PACRG: variants seen among roughly 807,000 people sequenced by gnomAD.
PACRG encodes the protein parkin coregulated, also known as parkin coregulated gene protein.
Under a neutral mutation model 29.7 loss-of-function variants are expected in PACRG, and 29 were observed. The observed-to-expected ratio is 0.98, with a 90% CI of 0.73 to 1.33. The LOEUF is 1.33. Among genes scored for constraint, PACRG ranks in the 40% most tolerant of loss-of-function variants. The pLI is 0.00. For missense variants in PACRG, 279 were observed against 316.2 expected (o/e 0.88, Z 0.89); for synonymous variants, 116 against 118.7 (o/e 0.98, Z 0.15).
chr6:162,956,433 T>C (rs960474927), intron 2 of PACRG, among the ~76,000 whole-genome samples: 19 of 152,176 alleles, frequency 1.2e-4, no homozygotes, highest in African/African-American at 3.9e-4. Flanking sequence ...TAAATGTTGG[T>C]CAGGTCAATG....
At chr6:163,300,769 T>C (rs1784957553) in intron 4 of PACRG, among the ~76,000 whole-genome samples, 1 of 143,788 alleles carries the variant, frequency 7.0e-6, no homozygotes, top group African/African-American at 2.7e-5. Flanking sequence ...AAAGCACAAG[T>C]ATCAGGTGTG....
chr6:163,117,024 A>T (rs1158332669), intron 4 of PACRG, among the ~76,000 whole-genome samples: 1 of 152,150 alleles, frequency 6.6e-6, no homozygotes, highest in Non-Finnish European at 1.5e-5. Context: ...TCACCCTCGG[A>T]GGAAGAGTTT....
intron 2 of PACRG, among the ~76,000 whole-genome samples, chr6:162,844,848 C>CT (rs1790213956): frequency 6.6e-6 from 1 of 152,170 alleles, no homozygotes; most frequent in Admixed American, 6.5e-5. Flanking sequence ...AACATGAAGG[C>CT]TAGTTCTGTA....
intron 1 of PACRG, among the ~76,000 whole-genome samples, chr6:162,731,663 C>G (rs1477905278): frequency 1.2e-4 from 18 of 152,012 alleles, no homozygotes; most frequent in Admixed American, 1.2e-3. Flanking sequence ...AAAAACAAAT[C>G]CAAAACACTT....
intron 2 of PACRG, among the ~76,000 whole-genome samples, chr6:162,819,515 A>G (rs1787653245): frequency 6.6e-6 from 1 of 152,218 alleles, no homozygotes; most frequent in East Asian, 1.9e-4. Flanking sequence ...GAGAGAAATG[A>G]AAACCATAGG....
At chr6:163,156,412 C>T (rs1261037514) in intron 4 of PACRG, among the ~76,000 whole-genome samples, 6 of 152,140 alleles carry the variant, frequency 3.9e-5, no homozygotes, top group African/African-American at 9.7e-5. Flanking sequence ...CTTCGCCCTT[C>T]TCCTGAACCA....
At chr6:162,785,201 A>T (rs1554278821) in intron 1 of PACRG, among the ~76,000 whole-genome samples, 1 of 145,356 alleles carries the variant, frequency 6.9e-6, no homozygotes, top group African/African-American at 2.5e-5. Context: ...AGAGAGAGAG[A>T]GGGAGAGAAA....
intron 2 of PACRG, among the ~76,000 whole-genome samples, chr6:162,928,740 G>A (rs1459320271): frequency 6.6e-6 from 1 of 151,622 alleles, no homozygotes; most frequent in Non-Finnish European, 1.5e-5. Context: ...ATGGCTATAT[G>A]TATGTATGTT....
At chr6:163,174,245 T>C (rs1196356430) in intron 4 of PACRG, among the ~76,000 whole-genome samples, 1 of 152,198 alleles carries the variant, frequency 6.6e-6, no homozygotes, top group African/African-American at 2.4e-5. Flanking sequence ...AAAAATCTCA[T>C]AATGTTTTAA....
At chr6:163,137,064 AAGCAC>A (rs1035641123) in intron 4 of PACRG, among the ~76,000 whole-genome samples, 36 of 152,346 alleles carry the variant, frequency 2.4e-4, no homozygotes, top group African/African-American at 8.7e-4. Flanking sequence ...ATATAAAAAT[AAGCAC>A]AGAGATTTTG....
chr6:162,776,157 A>G (rs7758448), intron 1 of PACRG, among the ~76,000 whole-genome samples: 105 of 152,336 alleles, frequency 6.9e-4, no homozygotes, highest in African/African-American at 2.4e-3. Context: ...TATTAGCTAC[A>G]TATTCCTTGG....
rs998432188 is a variant in PACRG, at chr6:162,776,328, C to T, written c.157-37819C>T. 6.6e-5 allele frequency among the ~76,000 whole-genome samples: 10 copies of T among 152,178 alleles called. No individual in the cohort carries two copies. The South Asian group carries it at 8.3e-4, about 13-fold the overall frequency. On this transcript the variant is annotated intron_variant, in intron 1 of 4. Transcript: ENST00000366888. ...CTTATTATTGCTGTTGCCACATCTTCGACTCCCATCTGCCTGTCCTCATTC... is the reference window on the plus strand; with the variant it reads ...CTTATTATTGCTGTTGCCACATCTTTGACTCCCATCTGCCTGTCCTCATTC...
chr6:162,754,651 T>C (rs907918499), intron 1 of PACRG, among the ~76,000 whole-genome samples: 5 of 152,154 alleles, frequency 3.3e-5, no homozygotes, highest in African/African-American at 1.2e-4. Flanking sequence ...TTTTTACATA[T>C]GATATAAGAG....
At chr6:163,081,493 C>A (rs1014996731) in intron 3 of PACRG, among the ~76,000 whole-genome samples, 1 of 152,162 alleles carries the variant, frequency 6.6e-6, no homozygotes, top group East Asian at 1.9e-4. Context: ...TGGTGGCTCA[C>A]GCCTGTTAAT....
intron 4 of PACRG, among the ~76,000 whole-genome samples, chr6:163,168,693 G>A (rs1018477057): frequency 4.6e-5 from 7 of 152,032 alleles, no homozygotes; most frequent in Non-Finnish European, 8.8e-5. Context: ...ATAATCAAAC[G>A]AAAGACCACC....
intron 1 of PACRG, among the ~76,000 whole-genome samples, chr6:162,789,538 T>A (rs1009333863): frequency 6.6e-6 from 1 of 152,196 alleles, no homozygotes; most frequent in African/African-American, 2.4e-5. Flanking sequence ...TCACTAAGGA[T>A]CATTTTTTCT....
chr6:163,031,951 C>T (rs1807707533), intron 2 of PACRG, among the ~76,000 whole-genome samples: 1 of 152,212 alleles, frequency 6.6e-6, no homozygotes, highest in Non-Finnish European at 1.5e-5. Context: ...TAAACGAATG[C>T]AAACTATTCC....
chr6:163,280,712 G>C (rs1562356466), intron 4 of PACRG, among the ~76,000 whole-genome samples: 1 of 152,128 alleles, frequency 6.6e-6, no homozygotes, highest in Non-Finnish European at 1.5e-5. Flanking sequence ...GCACTCACAT[G>C]GCCTTTCCTG....
intron 4 of PACRG, among the ~76,000 whole-genome samples, chr6:163,194,938 A>G (rs149267376): frequency 8.6e-5 from 13 of 151,332 alleles, no homozygotes; most frequent in Non-Finnish European, 1.5e-5. Flanking sequence ...CTTTGCAGGC[A>G]TCAGATATTT....
Sources: gnomAD v4.1 joint callset for allele counts (sites outside exome capture counted in the v4.1 genomes callset) on GRCh38, gnomAD v4.1.1 for gene constraint, MANE v1.5 for transcripts, NCBI Gene and HGNC (gene_info 2026-07-23, HGNC 2026-07-21) for gene names.